EPHB2: variants seen among roughly 807,000 people sequenced by gnomAD.
The protein encoded by EPHB2 is EPH receptor B2, also known as ephrin type-B receptor 2.
In EPHB2, 18 loss-of-function variants were observed where a neutral mutation model predicts 96.4. The ratio of observed to expected loss-of-function variants is 0.19; its 90% CI spans 0.13 to 0.28. The LOEUF (loss-of-function observed/expected upper bound fraction) is 0.28. EPHB2 is among the 10% of genes least tolerant of loss of function. EPHB2 has a pLI of 1.00. For synonymous variants in EPHB2, 506 were observed against 534.1 expected (o/e 0.95, Z 0.72); for missense variants, 989 against 1,355.4 (o/e 0.73, Z 4.25).
intron 1 of EPHB2, among the ~76,000 whole-genome samples, chr1:22,778,454 G>T (rs574953811): frequency 6.6e-6 from 1 of 152,190 alleles, no homozygotes; most frequent in Admixed American, 6.5e-5. Context: ...AGAGGTAGAG[G>T]GAGGGGTTAA....
At chr1:22,808,719 C>T (rs1416950616) in intron 3 of EPHB2, among the ~76,000 whole-genome samples, 1 of 152,228 alleles carries the variant, frequency 6.6e-6, no homozygotes, top group East Asian at 1.9e-4. Context: ...CCGTAACACC[C>T]TTATGACACG....
At chr1:22,837,704 A>AC (rs1645404948) in intron 3 of EPHB2, among the ~76,000 whole-genome samples, 1 of 151,978 alleles carries the variant, frequency 6.6e-6, no homozygotes, top group Non-Finnish European at 1.5e-5. Context: ...TCAGCTTCTC[A>AC]CCTTGGCCTT....
chr1:22,739,099 G>T (rs1643873674), intron 1 of EPHB2, among the ~76,000 whole-genome samples: 1 of 152,148 alleles, frequency 6.6e-6, no homozygotes, highest in East Asian at 1.9e-4. Context: ...GAATACAGTG[G>T]CACAATCATA....
At position 22,919,980 on chromosome 1, in the gene EPHB2, A is replaced by C. The variant is rs185463073; in HGVS notation, c.*6410A>C. 1 of 148,446 alleles carries C rather than the reference A, an allele frequency of 6.7e-6. No homozygotes were observed. Among genetic ancestry groups the C allele is most frequent in the Non-Finnish European group, 1.5e-5 (1 of 66,892 alleles). The allele number at this position is 148,446 out of a possible 1,614,324, so 9.2% of individuals were successfully genotyped here. On this transcript the variant is annotated 3_prime_UTR_variant, in exon 16 of 16. Coordinates refer to ENST00000374630, the MANE Select transcript of EPHB2 (RefSeq NM_017449.5). ...GGCCCTAGCATTTTTTTAAAAGCAC[A>C]AAAAAAAAAGAGCAAGAAAGAGAGA...
intron 5 of EPHB2, among the ~76,000 whole-genome samples, chr1:22,869,098 T>G (rs1638575482): frequency 6.6e-6 from 1 of 151,784 alleles, no homozygotes; most frequent in Non-Finnish European, 1.5e-5. Context: ...TTATAACAAG[T>G]CTTTCCCCCT....
At chr1:22,883,752 C>A (rs537463493) in intron 6 of EPHB2, among the ~76,000 whole-genome samples, 5 of 152,164 alleles carry the variant, frequency 3.3e-5, no homozygotes, top group Admixed American at 2.0e-4. Flanking sequence ...CAGCCTTTGC[C>A]GGCCGTCTTA....
chr1:22,891,956 A>G (rs991113883), intron 6 of EPHB2, among the ~76,000 whole-genome samples: 2 of 150,958 alleles, frequency 1.3e-5, no homozygotes, highest in African/African-American at 2.4e-5. Flanking sequence ...CTCCATGCCC[A>G]GCTAATTTTT....
Position 22,920,868 on chromosome 1 carries a change from C to T in EPHB2, c.*7298C>T, listed in dbSNP as rs1450271986. 6.6e-6 allele frequency: 1 copy of T among 152,224 alleles called. No homozygotes were observed. Among genetic ancestry groups the T allele is most frequent in the African/African-American group, 2.4e-5 (1 of 41,446 alleles). 9.4% of individuals were successfully genotyped at this position (152,224 alleles called of 1,614,324 possible). ...TTTATACACAATGTCTTGCCTAATC[C>T]TCACACCTCTGTGAGACAGGTACAA... On this transcript the variant is annotated 3_prime_UTR_variant, in exon 16 of 16. Coordinates refer to ENST00000374630, the MANE Select transcript of EPHB2 (RefSeq NM_017449.5).
chr1:22,888,292 C>T (rs1433228842), intron 6 of EPHB2, among the ~76,000 whole-genome samples: 2 of 152,166 alleles, frequency 1.3e-5, no homozygotes, highest in Admixed American at 6.5e-5. Context: ...ATCCAGCCCT[C>T]GGCCTCACAA....
intron 1 of EPHB2, among the ~76,000 whole-genome samples, chr1:22,718,255 A>C (rs1209698561): frequency 1.3e-5 from 2 of 148,378 alleles, no homozygotes; most frequent in Non-Finnish European, 3.0e-5. Flanking sequence ...CCCCCTCCCC[A>C]CTCCAATTCA....
chr1:22,792,572 T>C (rs1224377699), intron 3 of EPHB2, among the ~76,000 whole-genome samples: 3 of 146,748 alleles, frequency 2.0e-5, no homozygotes, highest in Non-Finnish European at 4.4e-5. Context: ...CATCCATTGG[T>C]CCATCCATCC....
intron 9 of EPHB2, among the ~76,000 whole-genome samples, chr1:22,897,211 G>C (rs1347164982): frequency 6.6e-6 from 1 of 152,246 alleles, no homozygotes; most frequent in Non-Finnish European, 1.5e-5. Flanking sequence ...AGAGAGAAAA[G>C]TAGATCATAG....
intron 3 of EPHB2, among the ~76,000 whole-genome samples, chr1:22,842,340 C>T (rs1234695262): frequency 6.6e-6 from 1 of 152,194 alleles, no homozygotes; most frequent in Non-Finnish European, 1.5e-5. Flanking sequence ...CACAGCATCT[C>T]ACTCGTCACT....
rs1640141160 is a variant in EPHB2, at chr1:22,912,531, G to A, written c.2784G>A (p.Gly928=). ...VDEWLEAIKM[G]QYKESFANAG... ...AGTGGCTGGAGGCCATCAAGATGGG[G>A]CAGTACAAGGAGAGCTTCGCCAATG... is the stretch of plus-strand genomic sequence containing the variant. Residue 928 remains glycine (G), a synonymous_variant, in exon 15 of 16, where the codon GGG becomes GGA. Transcript: ENST00000374630. 1 of 1,614,022 alleles carries A rather than the reference G, an allele frequency of 6.2e-7. No homozygotes were observed. The highest frequency in any genetic ancestry group is 1.7e-5 in the Admixed American group (1 of 59,998).
chr1:22,834,333 A>G (rs1645348779), intron 3 of EPHB2, among the ~76,000 whole-genome samples: 1 of 152,182 alleles, frequency 6.6e-6, no homozygotes, highest in Non-Finnish European at 1.5e-5. Context: ...AACTCTCCCA[A>G]AGACATCCAG....
At chr1:22,711,631 G>A (rs1643148859) in intron 1 of EPHB2, among the ~76,000 whole-genome samples, 1 of 151,968 alleles carries the variant, frequency 6.6e-6, no homozygotes, top group Admixed American at 6.5e-5. Context: ...GGCGTACAAT[G>A]GGGTCCCCTC....
rs541680376 is a variant in EPHB2 at position 22,761,829 on chromosome 1, A to G, written c.62-19592A>G. 7.9e-5 allele frequency among the ~76,000 whole-genome samples: 12 copies of G among 152,154 alleles called. No individual in the cohort carries two copies. In the East Asian group the frequency reaches 9.7e-4, roughly 12 times the overall value. ...TTTCAGGGCTGCCTCAGCAAAGCCC[A>G]TTTTGCAGATGGGGAAACCAAGGCC... is the stretch of plus-strand genomic sequence containing the variant. On this transcript the variant is annotated intron_variant, in intron 1 of 15. Coordinates refer to ENST00000374630, the MANE Select transcript of EPHB2 (RefSeq NM_017449.5).
At chr1:22,762,080 C>T (rs1644242998) in intron 1 of EPHB2, among the ~76,000 whole-genome samples, 1 of 152,216 alleles carries the variant, frequency 6.6e-6, no homozygotes, top group Non-Finnish European at 1.5e-5. Context: ...CTGTGGCAGA[C>T]GCCCAGCCTG....
chr1:22,832,314 G>A (rs555826105), intron 3 of EPHB2, among the ~76,000 whole-genome samples: 1 of 152,304 alleles, frequency 6.6e-6, no homozygotes, highest in African/African-American at 2.4e-5. Context: ...TCTCAGTGTT[G>A]CTGGGCTGAT....
Sources: gnomAD v4.1 joint callset for allele counts (sites outside exome capture counted in the v4.1 genomes callset) on GRCh38, gnomAD v4.1.1 for gene constraint, MANE v1.5 for transcripts, NCBI Gene and HGNC (gene_info 2026-07-23, HGNC 2026-07-21) for gene names.